The following ZSCAN25 variants were observed in gnomAD, a reference collection of about 807,000 sequenced individuals.
ZSCAN25 encodes the protein zinc finger and SCAN domain containing 25, also known as zinc finger and SCAN domain-containing protein 25.
In ZSCAN25, 27 loss-of-function variants were observed where a neutral mutation model predicts 38.7. The ratio of observed to expected loss-of-function variants is 0.70; its 90% CI spans 0.51 to 0.96. The LOEUF is 0.96. Among genes scored for constraint, ZSCAN25 ranks in the 40% least tolerant of loss-of-function variants. The pLI is 0.00. For synonymous variants in ZSCAN25, 273 were observed against 277.7 expected (o/e 0.98, Z 0.17); for missense variants, 637 against 705.9 (o/e 0.90, Z 1.11).
the ZSCAN25 span, chr7:99,665,031 G>A: frequency 1.2e-6 from 1 of 863,984 alleles, no homozygotes; most frequent in East Asian, 2.7e-5. Flanking sequence ...CAATAGTAAT[G>A]GTCATACATA....
At chr7:99,694,513 A>G in the ZSCAN25 span, among the ~76,000 whole-genome samples, 95 of 152,376 alleles carry the variant, frequency 6.2e-4, no homozygotes, top group South Asian at 2.9e-3. Flanking sequence ...CTGAAAAACA[A>G]ACTTTCCTGT....
chr7:99,688,636 A>T, the ZSCAN25 span, among the ~76,000 whole-genome samples: 1 of 152,080 alleles, frequency 6.6e-6, no homozygotes, highest in Admixed American at 6.5e-5. Context: ...TAACAAGGAT[A>T]CCCAGGAATT....
At chr7:99,660,268 G>A in the ZSCAN25 span, 1 of 157,986 alleles carries the variant, frequency 6.3e-6, no homozygotes, top group Non-Finnish European at 1.1e-5. Flanking sequence ...TGTGATAACA[G>A]TAAACAGGTG....
At chr7:99,653,957 G>C in the ZSCAN25 span, among the ~76,000 whole-genome samples, 4 of 152,092 alleles carry the variant, frequency 2.6e-5, no homozygotes, top group African/African-American at 9.7e-5. The surrounding 1 kb of genome is among the most constrained non-coding windows in gnomAD (Gnocchi z 4.2). Context: ...AGCCTCCATC[G>C]CGCCCCCAGG....
chr7:99,669,004 A>C, the ZSCAN25 span, among the ~76,000 whole-genome samples: 1 of 152,226 alleles, frequency 6.6e-6, no homozygotes, highest in African/African-American at 2.4e-5. Flanking sequence ...TTGATTATTA[A>C]ACCTTGCTTT....
chr7:99,685,713 A>G, the ZSCAN25 span, among the ~76,000 whole-genome samples: 1 of 152,212 alleles, frequency 6.6e-6, no homozygotes, highest in African/African-American at 2.4e-5. Flanking sequence ...TGGTTCTGAC[A>G]ACGTCCACAT....
At chr7:99,653,518 A>G in the ZSCAN25 span, among the ~76,000 whole-genome samples, 1 of 152,152 alleles carries the variant, frequency 6.6e-6, no homozygotes, top group Non-Finnish European at 1.5e-5. This position sits in a 1 kb window ranked among gnomAD's most constrained non-coding sequence, Gnocchi z 4.2. Flanking sequence ...TCTATCACAA[A>G]TACGACAAAA....
the ZSCAN25 span, among the ~76,000 whole-genome samples, chr7:99,736,886 T>G: frequency 6.6e-6 from 1 of 152,150 alleles, no homozygotes; most frequent in African/African-American, 2.4e-5. Flanking sequence ...GGGAGCCACA[T>G]GTTCCTTGGG....
At chr7:99,696,045 T>C in the ZSCAN25 span, among the ~76,000 whole-genome samples, 1 of 152,176 alleles carries the variant, frequency 6.6e-6, no homozygotes, top group Non-Finnish European at 1.5e-5. Context: ...AAAGTCACAA[T>C]GATTAGTCGA....
the ZSCAN25 span, chr7:99,660,296 T>C: frequency 9.0e-7 from 1 of 1,116,716 alleles, no homozygotes; most frequent in Non-Finnish European, 1.1e-6. Context: ...GCCAGCAATA[T>C]TGTACAAAGA....
the ZSCAN25 span, among the ~76,000 whole-genome samples, chr7:99,735,478 T>TTGCC: frequency 1.3e-5 from 2 of 152,230 alleles, no homozygotes; most frequent in African/African-American, 4.8e-5. Flanking sequence ...TTAACTCTCC[T>TTGCC]CTTGTCTCTA....
chr7:99,667,191 C>T, the ZSCAN25 span: 1 of 739,174 alleles, frequency 1.4e-6, no homozygotes, highest in South Asian at 2.1e-5. Context: ...TTATGGCAAG[C>T]CATATTCAAG....
At chr7:99,622,326 C>A in intron 5 of ZSCAN25, 1 of 573,972 alleles carries the variant, frequency 1.7e-6, no homozygotes, top group Non-Finnish European at 3.1e-6. Flanking sequence ...GACAATCTTG[C>A]CAGCTGAGAA....
the ZSCAN25 span, chr7:99,660,314 C>T: frequency 8.7e-7 from 1 of 1,144,604 alleles, no homozygotes; most frequent in Non-Finnish European, 1.1e-6. Flanking sequence ...AGATCTTATG[C>T]TTCTGCCAGT....
chr7:99,735,377 A>T, the ZSCAN25 span, among the ~76,000 whole-genome samples: 3,740 of 151,524 alleles, frequency 0.025, 74 homozygotes, highest in Non-Finnish European at 0.033. Flanking sequence ...TTCTATGTAG[A>T]ATCATACACA....
chr7:99,630,699 TTGGAGCCTCATC>T lies in ZSCAN25; in HGVS notation c.*682_*693del, dbSNP rs112539702. 7,337 of 985,472 alleles carry T rather than the reference TTGGAGCCTCATC, an allele frequency of 7.4e-3. 362 individuals are homozygous for T. The African/African-American group carries it at 0.11, about 15-fold the overall frequency. 61.0% of individuals were successfully genotyped at this position (985,472 alleles called of 1,614,324 possible). ...GGCAACTGTGTGAATTTTACATTAT[TTGGAGCCTCATC>T]TGTGTCAGGCTATAACATTCTATCC... On this transcript the variant is annotated 3_prime_UTR_variant, in exon 8 of 8. Coordinates refer to ENST00000394152, the MANE Select transcript of ZSCAN25 (RefSeq NM_145115.3).
the ZSCAN25 span, chr7:99,730,953 G>C: frequency 7.0e-7 from 1 of 1,426,084 alleles, no homozygotes; most frequent in Non-Finnish European, 9.7e-7. Context: ...ATTTCTGAAA[G>C]TATAAAATCT....
At chr7:99,722,393 A>C in the ZSCAN25 span, 1 of 1,605,664 alleles carries the variant, frequency 6.2e-7, no homozygotes, top group South Asian at 1.1e-5. Flanking sequence ...TTTTAAGTGT[A>C]CTTAACCCTG....
At chr7:99,624,846 G>C (rs893459509) in intron 7 of ZSCAN25, among the ~76,000 whole-genome samples, 2 of 152,214 alleles carry the variant, frequency 1.3e-5, no homozygotes, top group African/African-American at 4.8e-5. Flanking sequence ...CGGGGCTTTG[G>C]GGCTGCCAGG....
Sources: allele counts gnomAD v4.1 joint callset (sites outside exome capture counted in the v4.1 genomes callset), GRCh38; gene constraint gnomAD v4.1.1; non-coding constraint Gnocchi (gnomAD v3.1); transcripts MANE v1.5; gene names NCBI Gene and HGNC (gene_info 2026-07-23, HGNC 2026-07-21).